GNG7: variants seen among roughly 807,000 people sequenced by gnomAD.
The protein encoded by GNG7 is G protein subunit gamma 7, also known as guanine nucleotide-binding protein G(I)/G(S)/G(O) subunit gamma-7.
A neutral mutation model predicts 4.0 loss-of-function variants in GNG7; 1 was observed. That is an observed-to-expected ratio of 0.25 (90% confidence interval 0.09 to 1.18). GNG7 has a LOEUF of 1.18. Among genes scored for constraint, GNG7 ranks in the 50% most tolerant of loss-of-function variants. The probability of loss-of-function intolerance (pLI) is 0.50; values close to 1 mark genes in which losing one functional copy is unlikely to be tolerated. For synonymous variants in GNG7, 34 were observed against 36.9 expected, an observed-to-expected ratio of 0.92 and a Z score of 0.29; for missense variants, 86 against 91.9, an observed-to-expected ratio of 0.94 and a Z score of 0.26.
chr19:2,569,563 C>T (rs971110725), intron 2 of GNG7, among the ~76,000 whole-genome samples: 5 of 152,314 alleles, frequency 3.3e-5, no homozygotes, highest in African/African-American at 1.2e-4. Flanking sequence ...GCGTGAGTCA[C>T]CGCACCTGGC....
At chr19:2,560,359 C>T (rs1159182294) in intron 2 of GNG7, among the ~76,000 whole-genome samples, 8 of 152,092 alleles carry the variant, frequency 5.3e-5, no homozygotes, top group Non-Finnish European at 1.0e-4. Context: ...TGTCTCCCAC[C>T]GGCCCCCAGG....
At chr19:2,605,985 C>T (rs1484777775) in intron 2 of GNG7, among the ~76,000 whole-genome samples, 1 of 152,190 alleles carries the variant, frequency 6.6e-6, no homozygotes, top group Non-Finnish European at 1.5e-5. Context: ...GGGCATTACT[C>T]ACACGACATA....
At chr19:2,575,672 T>C (rs868727054) in intron 2 of GNG7, among the ~76,000 whole-genome samples, 65 of 32,098 alleles carry the variant, frequency 2.0e-3, no homozygotes, top group African/African-American at 2.5e-3. Context: ...CGCAGGCACA[T>C]GCAGACACGC....
At chr19:2,625,410 G>T (rs1469715775) in intron 2 of GNG7, among the ~76,000 whole-genome samples, 3 of 152,194 alleles carry the variant, frequency 2.0e-5, no homozygotes, top group East Asian at 3.9e-4. Flanking sequence ...ATAGAGGGGG[G>T]TCTCTGTTGC....
chr19:2,658,743 A>G (rs1042554923), intron 1 of GNG7, among the ~76,000 whole-genome samples: 2 of 148,670 alleles, frequency 1.3e-5, no homozygotes, highest in Non-Finnish European at 3.0e-5. Context: ...TGTAGCTGTT[A>G]GTCAATAATC....
At chr19:2,583,404 G>C (rs1019720373) in intron 2 of GNG7, among the ~76,000 whole-genome samples, 2 of 152,342 alleles carry the variant, frequency 1.3e-5, no homozygotes, top group African/African-American at 4.8e-5. Flanking sequence ...GCTCAGCACA[G>C]TCTTGCAGCC....
chr19:2,520,624 C>T lies in GNG7; in HGVS notation c.65G>A (p.Gly22Glu). ...TGGGCTCACCTTGATGCGCTCAATC[C>T]CGGCTTCTATGCGTAGCTGTTCCAC... ...KLVEQLRIEA[G>E]IERIKVSKAA... is the part of the protein sequence containing the mutation. Residue 22 changes from glycine (G) to glutamate (E), a missense_variant, in exon 4 of 5, where the codon GGG becomes GAG. Gly to Glu is a moderately conservative substitution (Grantham distance 98). Transcript: ENST00000382159. 6.5e-7 allele frequency: 1 copy of T among 1,549,362 alleles called. No homozygotes were observed. The highest frequency in any genetic ancestry group is 8.8e-7 in the Non-Finnish European group (1 of 1,142,750).
At chr19:2,570,271 C>G (rs1980105692) in intron 2 of GNG7, among the ~76,000 whole-genome samples, 1 of 152,130 alleles carries the variant, frequency 6.6e-6, no homozygotes, top group Non-Finnish European at 1.5e-5. Context: ...ATGCTGGCAC[C>G]ATGCTTGTAT....
intron 2 of GNG7, among the ~76,000 whole-genome samples, chr19:2,568,550 T>C (rs1176329690): frequency 1.4e-5 from 2 of 147,108 alleles, no homozygotes; most frequent in Admixed American, 6.7e-5. Flanking sequence ...CATACACATA[T>C]ATATACACAC....
intron 1 of GNG7, among the ~76,000 whole-genome samples, chr19:2,684,644 C>T (rs746948563): frequency 2.0e-5 from 3 of 152,168 alleles, no homozygotes; most frequent in Non-Finnish European, 2.9e-5. Context: ...ACACATCCTC[C>T]GTGATCCACT....
chr19:2,673,240 A>G (rs1473176138), intron 1 of GNG7, among the ~76,000 whole-genome samples: 1 of 147,356 alleles, frequency 6.8e-6, no homozygotes, highest in Non-Finnish European at 1.5e-5. Context: ...CCTGGGTGAC[A>G]GAGCGAGATT....
At chr19:2,647,516 G>A (rs377479214) in intron 1 of GNG7, among the ~76,000 whole-genome samples, 14 of 152,226 alleles carry the variant, frequency 9.2e-5, no homozygotes, top group South Asian at 8.3e-4. Flanking sequence ...TCCTCCCAGC[G>A]AGTCGCCCCA....
At chr19:2,648,799 G>T (rs555122684) in intron 1 of GNG7, among the ~76,000 whole-genome samples, 1 of 152,300 alleles carries the variant, frequency 6.6e-6, no homozygotes, top group South Asian at 2.1e-4. Context: ...CCACGGGGCT[G>T]CAGGAGGCCC....
chr19:2,560,851 G>C (rs1009410884), intron 2 of GNG7, among the ~76,000 whole-genome samples: 12 of 151,704 alleles, frequency 7.9e-5, no homozygotes, highest in Non-Finnish European at 1.2e-4. Flanking sequence ...CAGGTACTCA[G>C]GAGGCTGAGG....
intron 2 of GNG7, chr19:2,610,977 G>T (rs1204125843): frequency 2.2e-4 from 27 of 122,340 alleles, no homozygotes; most frequent in African/African-American, 7.3e-4. Flanking sequence ...CGGGTGGGAG[G>T]GGGGGAACGG....
intron 1 of GNG7, among the ~76,000 whole-genome samples, chr19:2,696,214 G>A (rs28570636): frequency 2.1e-5 from 3 of 141,380 alleles, no homozygotes; most frequent in Non-Finnish European, 4.7e-5. Flanking sequence ...GGGAGAGAGG[G>A]AAGAGAGGAG....
chr19:2,579,471 C>T (rs1440002611), intron 2 of GNG7, among the ~76,000 whole-genome samples: 1 of 152,240 alleles, frequency 6.6e-6, no homozygotes, highest in Non-Finnish European at 1.5e-5. Context: ...GGAAAGGGCG[C>T]TCCCCATGCG....
At position 2,633,400 on chromosome 19, in the gene GNG7, C is replaced by T. The variant is rs1982213067; in HGVS notation, c.-78+12824G>A. ...GGCGGCCAAGGCTCGATGAATCTGCCGATGACCAAGTTGGTGCCTCATCCC... is the reference window on the plus strand; with the variant it reads ...GGCGGCCAAGGCTCGATGAATCTGCTGATGACCAAGTTGGTGCCTCATCCC... On this transcript the variant is annotated intron_variant, in intron 2 of 4. Coordinates refer to ENST00000382159, the MANE Select transcript of GNG7 (RefSeq NM_052847.3). This position sits in a 1 kb window ranked among gnomAD's most constrained non-coding sequence, Gnocchi z 5.9. Among the ~76,000 whole-genome samples the T allele has an allele frequency of 6.6e-6, 1 of 152,102 alleles. No homozygotes were observed. Among genetic ancestry groups the T allele is most frequent in the African/African-American group, 2.4e-5 (1 of 41,434 alleles).
chr19:2,636,995 T>C (rs146798148), intron 2 of GNG7, among the ~76,000 whole-genome samples: 1 of 150,426 alleles, frequency 6.6e-6, no homozygotes, highest in Non-Finnish European at 1.5e-5. Context: ...CCTGCACCTC[T>C]GTCCCCACCT....
Sources: gnomAD v4.1 joint callset for allele counts (sites outside exome capture counted in the v4.1 genomes callset) on GRCh38, gnomAD v4.1.1 for gene constraint, Gnocchi (gnomAD v3.1) non-coding constraint, MANE v1.5 for transcripts, NCBI Gene and HGNC (gene_info 2026-07-23, HGNC 2026-07-21) for gene names.